ZNF569: variants seen among roughly 807,000 people sequenced by gnomAD.
ZNF569 encodes zinc finger protein 569, also known as DNA-binding protein.
ZNF569 carries 38 observed loss-of-function variants against 56.3 expected under a neutral mutation model. The observed-to-expected ratio is 0.68, with a 90% CI of 0.52 to 0.88. ZNF569 has a LOEUF of 0.88. Ranked by LOEUF, ZNF569 falls within the 40% of genes least tolerant of loss-of-function variation. The pLI is 0.00. For synonymous variants in ZNF569, 241 were observed against 262.9 expected, an observed-to-expected ratio of 0.92 and a Z score of 0.81; for missense variants, 666 against 809.2, an observed-to-expected ratio of 0.82 and a Z score of 2.15.
chr19:37,413,027 T>G lies in ZNF569; in HGVS notation c.1631A>C (p.His544Pro). The G allele has an allele frequency of 6.2e-7, 1 of 1,613,992 alleles. No homozygotes were observed. Among genetic ancestry groups the G allele is most frequent in the Non-Finnish European group, 8.5e-7 (1 of 1,179,938 alleles). Reference sequence around the variant, plus strand: ...ACATTCATAAGGCTTTTCCCCTGTATGACTTCTCAAATGAAGGGTAAGGGA... The same window carrying G: ...ACATTCATAAGGCTTTTCCCCTGTAGGACTTCTCAAATGAAGGGTAAGGGA... ...IASLTLHLRSHTGEKPYECDK... is the reference protein window; with the variant it reads ...IASLTLHLRSPTGEKPYECDK... The change falls in exon 6 of 6, where the codon CAT (histidine) becomes CCT (proline). Residue 544 changes from histidine to proline, a missense_variant. Physicochemically the swap from His to Pro is moderately conservative, Grantham distance 77 (BLOSUM62 -2). Coordinates refer to ENST00000316950, the MANE Select transcript of ZNF569 (RefSeq NM_152484.3).
intron 2 of ZNF569, chr19:37,454,872 G>A: frequency 1.4e-6 from 1 of 702,526 alleles, no homozygotes; most frequent in African/African-American, 1.7e-5. Context: ...TCCCAGGTAA[G>A]TAAAGCTTGA....
intron 3 of ZNF569, chr19:37,427,702 T>A (rs1268214557): frequency 2.2e-6 from 1 of 445,244 alleles, no homozygotes; most frequent in Non-Finnish European, 4.5e-6. Flanking sequence ...CTGAAAATCA[T>A]GATGCTTGCA....
upstream of ZNF569, among the ~76,000 whole-genome samples, chr19:37,468,541 G>T (rs1221859424): frequency 6.6e-6 from 1 of 151,852 alleles, no homozygotes; most frequent in African/African-American, 2.4e-5. Context: ...TGTCGCTCAG[G>T]CTGGAGTGCA....
chr19:37,423,630 G>GA (rs745848481), intron 5 of ZNF569, among the ~76,000 whole-genome samples: 32 of 152,084 alleles, frequency 2.1e-4, no homozygotes, highest in Middle Eastern at 3.4e-3. Flanking sequence ...ATCTCTTTGG[G>GA]AAAAAAACAC....
chr19:37,450,997 T>G (rs143358090), intron 2 of ZNF569, among the ~76,000 whole-genome samples: 1 of 152,366 alleles, frequency 6.6e-6, no homozygotes, highest in East Asian at 1.9e-4. Flanking sequence ...ATGATTTAGA[T>G]ATTTTAAAAT....
At chr19:37,414,717 T>C (rs900065271) in intron 5 of ZNF569, among the ~76,000 whole-genome samples, 1 of 151,818 alleles carries the variant, frequency 6.6e-6, no homozygotes, top group South Asian at 2.1e-4. Context: ...AATGTACAAA[T>C]GAAGTAAGAA....
At chr19:37,444,551 C>T (rs1362825646) in intron 3 of ZNF569, among the ~76,000 whole-genome samples, 3 of 152,106 alleles carry the variant, frequency 2.0e-5, no homozygotes, top group Non-Finnish European at 4.4e-5. Context: ...TTATCAACTA[C>T]AAGAAGTAAC....
intron 2 of ZNF569, among the ~76,000 whole-genome samples, chr19:37,446,292 G>C (rs781056361): frequency 1.3e-5 from 2 of 152,108 alleles, no homozygotes; most frequent in Non-Finnish European, 2.9e-5. Flanking sequence ...GCTCACCCCT[G>C]TAATCCCATT....
At chr19:37,432,816 T>G (rs1425978809) in intron 3 of ZNF569, among the ~76,000 whole-genome samples, 4 of 151,716 alleles carry the variant, frequency 2.6e-5, no homozygotes, top group Non-Finnish European at 5.9e-5. Context: ...TCAGATAAAT[T>G]TAACAAAGAG....
Position 37,427,838 on chromosome 19 carries a change from G to C in ZNF569, c.16-1460C>G, listed in dbSNP as rs79805922. 2.5e-3 allele frequency: 1,289 copies of C among 515,890 alleles called. 16 individuals carry two copies. Among genetic ancestry groups the C allele is most frequent in the African/African-American group, 0.022 (1,119 of 52,024 alleles). The allele number at this position is 515,890 out of a possible 1,614,324, so 32.0% of individuals were successfully genotyped here. ...TAAGCCTGGATAAAGCATTTGGTGA[G>C]GAAGTGGGACTGAGGAGAAAGCATG... is the stretch of plus-strand genomic sequence containing the variant. On this transcript the variant is annotated intron_variant, in intron 3 of 5. Transcript: ENST00000316950.
In ZNF569 at chr19:37,413,433, G is replaced by A. The variant is rs745378175; in HGVS notation, c.1225C>T (p.Pro409Ser). 15 of 1,613,636 alleles carry A rather than the reference G, an allele frequency of 9.3e-6. No homozygotes were observed. In the South Asian group the frequency reaches 1.5e-4, roughly 17 times the overall value. ...TTTCTGCATTCCTTACATTCATAGGGTTTCTCACCAGTGTGACTTCTCATA... is the reference window on the plus strand; with the variant it reads ...TTTCTGCATTCCTTACATTCATAGGATTTCTCACCAGTGTGACTTCTCATA... ...VHMRSHTGEK[P>S]YECKECRKAF... is the part of the protein sequence containing the mutation. Residue 409 changes from proline (P) to serine (S), a missense_variant, in exon 6 of 6, where the codon CCC becomes TCC. Physicochemically the swap from Pro to Ser is moderately conservative, Grantham distance 74. Coordinates refer to ENST00000316950, the MANE Select transcript of ZNF569 (RefSeq NM_152484.3).
In ZNF569 at chr19:37,413,963, T is replaced by A. The variant is rs748160273; in HGVS notation, c.695A>T (p.His232Leu). 2 of 1,613,566 alleles carry A rather than the reference T, an allele frequency of 1.2e-6. No individual in the cohort carries two copies. The highest frequency in any genetic ancestry group is 1.7e-6 in the Non-Finnish European group (2 of 1,179,926). ...AFSHKEKLIK[H>L]YKIHSREQSY... is the part of the protein sequence containing the mutation. Reference sequence around the variant, plus strand: ...CTGCTCCCTACTGTGAATTTTATAATGTTTAATAAGTTTTTCCTTGTGACT... The same window carrying A: ...CTGCTCCCTACTGTGAATTTTATAAAGTTTAATAAGTTTTTCCTTGTGACT... The change falls in exon 6 of 6, where the codon CAT becomes CTT. Residue 232 changes from histidine (H) to leucine (L), a missense_variant. Physicochemically the swap from His to Leu is moderately conservative, Grantham distance 99. Transcript: ENST00000316950.
At chr19:37,462,517 T>A (rs1016910027) in intron 2 of ZNF569, among the ~76,000 whole-genome samples, 1 of 152,192 alleles carries the variant, frequency 6.6e-6, no homozygotes, top group African/African-American at 2.4e-5. Flanking sequence ...CGGACACTGC[T>A]TTCAGGGTCC....
intron 3 of ZNF569, among the ~76,000 whole-genome samples, chr19:37,435,287 C>T (rs2041291668): frequency 6.6e-6 from 1 of 151,956 alleles, no homozygotes; most frequent in South Asian, 2.1e-4. Context: ...TATTTGCAAG[C>T]CTCATGGCAA....
chr19:37,420,767 GCA>G (rs1346696661), intron 5 of ZNF569, among the ~76,000 whole-genome samples: 2 of 152,070 alleles, frequency 1.3e-5, no homozygotes, highest in African/African-American at 2.4e-5. Context: ...ATTCATAATA[GCA>G]CCTGGAAACA....
rs964707630 is a variant in ZNF569, at chr19:37,413,608, T to C, written c.1050A>G (p.Gly350=). 6.2e-7 allele frequency: 1 copy of C among 1,613,830 alleles called. No individual in the cohort carries two copies. Among genetic ancestry groups the C allele is most frequent in the Non-Finnish European group, 8.5e-7 (1 of 1,179,898 alleles). ...ATTTATCACATTTATAAGGTTTTTC[T>C]CCTGTATGACTTCTCATATGAAGAG... is the stretch of plus-strand genomic sequence containing the variant. The part of the protein sequence containing the change: ...SLALHMRSHT[G]EKPYKCDKCG... Residue 350 remains glycine (G), a synonymous_variant, in exon 6 of 6, where the codon GGA becomes GGG. Coordinates refer to ENST00000316950, the MANE Select transcript of ZNF569 (RefSeq NM_152484.3).
rs1355144835 is a variant in ZNF569, at chr19:37,413,794, A to T, written c.864T>A (p.His288Gln). 6.2e-7 allele frequency: 1 copy of T among 1,613,648 alleles called. No individual in the cohort carries two copies. ...SFSQKSNLIDHEKIHTGEKPY... is the reference protein window; with the variant it reads ...SFSQKSNLIDQEKIHTGEKPY... ...GTTTCTCTCCAGTATGAATTTTTTC[A>T]TGATCAATAAGATTTGATTTCTGGC... The change falls in exon 6 of 6, where the codon CAT becomes CAA. Residue 288 changes from histidine to glutamine, a missense_variant. By Grantham distance (24) the His-to-Gln change is conservative (BLOSUM62 0). Coordinates refer to ENST00000316950, the MANE Select transcript of ZNF569 (RefSeq NM_152484.3).
At chr19:37,461,925 A>G (rs1166102145) in intron 2 of ZNF569, among the ~76,000 whole-genome samples, 10 of 152,200 alleles carry the variant, frequency 6.6e-5, no homozygotes, top group Non-Finnish European at 1.5e-5. Flanking sequence ...AAAATCACAC[A>G]GCTACACAGA....
chr19:37,440,240 A>G (rs766062699), intron 3 of ZNF569, among the ~76,000 whole-genome samples: 1 of 152,208 alleles, frequency 6.6e-6, no homozygotes, highest in Non-Finnish European at 1.5e-5. Context: ...AGAATCCTAT[A>G]TTTAGGAAAC....
Sources: gnomAD v4.1 joint callset for allele counts (sites outside exome capture counted in the v4.1 genomes callset) on GRCh38, gnomAD v4.1.1 for gene constraint, MANE v1.5 for transcripts, NCBI Gene and HGNC (gene_info 2026-07-23, HGNC 2026-07-21) for gene names.